The following CAP2 variants were observed in gnomAD, a reference collection of about 807,000 sequenced individuals.
CAP2 encodes the protein adenylyl cyclase-associated protein 2.
A neutral mutation model predicts 57.7 loss-of-function variants in CAP2; 24 were observed. That is an observed-to-expected ratio of 0.42 (90% CI 0.30 to 0.58). CAP2 has a LOEUF of 0.58. CAP2 is among the 20% of genes least tolerant of loss of function. The pLI, the probability that CAP2 is intolerant of heterozygous loss-of-function variation, is 0.22. For missense variants in CAP2, 501 were observed against 590.3 expected, an observed-to-expected ratio of 0.85 and a Z score of 1.57; for synonymous variants, 194 against 207.2, an observed-to-expected ratio of 0.94 and a Z score of 0.55.
At chr6:17,532,788 G>T (rs1049378326) in intron 7 of CAP2, among the ~76,000 whole-genome samples, 12 of 150,798 alleles carry the variant, frequency 8.0e-5, no homozygotes, top group Non-Finnish European at 1.8e-4. Flanking sequence ...TGTTGGCCAG[G>T]CGTGGTGGCT....
chr6:17,543,034 T>C (rs376229266), intron 10 of CAP2, 27 bp from the exon 11 acceptor site: 3 of 1,613,382 alleles, frequency 1.9e-6, no homozygotes, highest in African/African-American at 1.3e-5. Context: ...TGGAGTTGGT[T>C]TTTTGTTGTG....
chr6:17,531,381 G>T, intron 7 of CAP2: 7 of 1,593,852 alleles, frequency 4.4e-6, no homozygotes, highest in Non-Finnish European at 6.0e-6. Flanking sequence ...GCCAATTTGG[G>T]TTCTGCAGGT....
intron 7 of CAP2, among the ~76,000 whole-genome samples, chr6:17,536,756 G>A (rs1762782857): frequency 6.6e-6 from 1 of 152,156 alleles, no homozygotes; most frequent in Non-Finnish European, 1.5e-5. Flanking sequence ...GGAAGGGGCT[G>A]TCCCTTCACC....
Position 17,513,623 on chromosome 6 carries a change from C to G in CAP2, c.531-226C>G, listed in dbSNP as rs1762206150. On this transcript the variant is annotated intron_variant, in intron 6 of 12. Coordinates refer to ENST00000229922, the MANE Select transcript of CAP2 (RefSeq NM_006366.3). This position sits in a 1 kb window ranked among gnomAD's most constrained non-coding sequence, Gnocchi z 4.3. ...CTCTGTGGTACCTCTGCTCCATACCCGGAGCTCAGGGCATCCGGCCACCTG... is the reference window on the plus strand; with the variant it reads ...CTCTGTGGTACCTCTGCTCCATACCGGGAGCTCAGGGCATCCGGCCACCTG... Among the ~76,000 whole-genome samples, 1 of 152,080 alleles carries G rather than the reference C, an allele frequency of 6.6e-6. No homozygotes were observed. The highest frequency in any genetic ancestry group is 2.4e-5 in the African/African-American group (1 of 41,410).
chr6:17,410,399 C>T (rs1561773319), intron 1 of CAP2, among the ~76,000 whole-genome samples: 1 of 152,184 alleles, frequency 6.6e-6, no homozygotes, highest in Non-Finnish European at 1.5e-5. Flanking sequence ...CCCAGTGATT[C>T]TTACGCAGAT....
intron 12 of CAP2, among the ~76,000 whole-genome samples, chr6:17,554,011 G>A (rs1487780213): frequency 1.3e-5 from 2 of 152,200 alleles, no homozygotes; most frequent in South Asian, 2.1e-4. Context: ...TATTCAGATT[G>A]TGGGTTCTTT....
At chr6:17,430,178 T>A (rs182122753) in intron 3 of CAP2, among the ~76,000 whole-genome samples, 48 of 152,304 alleles carry the variant, frequency 3.2e-4, no homozygotes, top group Admixed American at 1.2e-3. Flanking sequence ...CTCAATAGCC[T>A]ATTGACAGAA....
At chr6:17,463,539 G>C (rs1405193672) in intron 4 of CAP2, among the ~76,000 whole-genome samples, 2 of 152,168 alleles carry the variant, frequency 1.3e-5, no homozygotes, top group Non-Finnish European at 2.9e-5. Context: ...TAACCTCCAT[G>C]TATGGATTTT....
At chr6:17,528,057 G>A in intron 7 of CAP2, among the ~76,000 whole-genome samples, 1 of 152,230 alleles carries the variant, frequency 6.6e-6, no homozygotes, top group South Asian at 2.1e-4. Flanking sequence ...ACCCATACAG[G>A]CATTCTGTTT....
chr6:17,513,070 G>A lies in CAP2; in HGVS notation c.531-779G>A, dbSNP rs899056829. ...AAATATATTATAGGTAAAAATTGCC[G>A]AAAGGAAATGCAACTATTTTTACCT... On this transcript the variant is annotated intron_variant, in intron 6 of 12. Coordinates refer to ENST00000229922, the MANE Select transcript of CAP2 (RefSeq NM_006366.3). The surrounding 1 kb of genome is among the most constrained non-coding windows in gnomAD (Gnocchi z 4.3). Among the ~76,000 whole-genome samples, 9 of 152,062 alleles carry A rather than the reference G, an allele frequency of 5.9e-5. No individual in the cohort carries two copies. Among genetic ancestry groups the A allele is most frequent in the Non-Finnish European group, 1.2e-4 (8 of 68,018 alleles).
chr6:17,470,432 A>G (rs1760987946), intron 4 of CAP2, among the ~76,000 whole-genome samples: 2 of 152,230 alleles, frequency 1.3e-5, no homozygotes, highest in African/African-American at 4.8e-5. Flanking sequence ...GCTTTAGCAA[A>G]AAGTCCCCAA....
intron 3 of CAP2, among the ~76,000 whole-genome samples, chr6:17,437,604 C>T (rs757611085): frequency 1.1e-4 from 17 of 152,060 alleles, no homozygotes; most frequent in Non-Finnish European, 1.6e-4. Context: ...ACAGGCTGGG[C>T]GTGGTGGCTC....
chr6:17,462,407 A>C (rs930989707), intron 3 of CAP2, among the ~76,000 whole-genome samples: 1 of 152,082 alleles, frequency 6.6e-6, no homozygotes, highest in East Asian at 1.9e-4. Flanking sequence ...GCTTTATTGA[A>C]ATATAATTCA....
At chr6:17,415,601 C>T (rs1012345605) in intron 1 of CAP2, among the ~76,000 whole-genome samples, 1 of 152,178 alleles carries the variant, frequency 6.6e-6, no homozygotes, top group African/African-American at 2.4e-5. Flanking sequence ...ATTTATAGTT[C>T]TCTAGGTATA....
At chr6:17,429,848 A>G (rs1246553042) in intron 3 of CAP2, among the ~76,000 whole-genome samples, 2 of 152,222 alleles carry the variant, frequency 1.3e-5, no homozygotes, top group Non-Finnish European at 2.9e-5. Flanking sequence ...TAATACTTTG[A>G]ACATGCCGTT....
Position 17,543,166 on chromosome 6 carries a change from T to TGCTGTAATAAGCAGAGCCTTTCCAACCAC in CAP2, c.1209+59_1209+87dup, listed in dbSNP as rs775904037. The TGCTGTAATAAGCAGAGCCTTTCCAACCAC allele has an allele frequency of 1.1e-5, 17 of 1,587,518 alleles. 1 individual carries two copies. In the African/African-American group the frequency reaches 1.5e-4, roughly 14 times the overall value. On this transcript the variant is annotated intron_variant, in intron 11 of 12. Coordinates refer to ENST00000229922, the MANE Select transcript of CAP2 (RefSeq NM_006366.3). Reference sequence around the variant, plus strand: ...CAGGTAAGCAGAGCCTTTCCAACCATGCTGTAATAAGCAGAGCCTTTCCAA... The same window carrying TGCTGTAATAAGCAGAGCCTTTCCAACCAC: ...CAGGTAAGCAGAGCCTTTCCAACCATGCTGTAATAAGCAGAGCCTTTCCAACCACGCTGTAATAAGCAGAGCCTTTCCAA...
At chr6:17,491,952 A>G (rs78651712) in intron 4 of CAP2, among the ~76,000 whole-genome samples, 1,656 of 152,364 alleles carry the variant, frequency 0.011, 20 homozygotes, top group Non-Finnish European at 0.014. Flanking sequence ...GCTTCCTCGC[A>G]TGACCTGCTG....
chr6:17,485,211 G>A (rs1761390414), intron 4 of CAP2, among the ~76,000 whole-genome samples: 1 of 151,918 alleles, frequency 6.6e-6, no homozygotes, highest in South Asian at 2.1e-4. Flanking sequence ...TATTTATGAG[G>A]GACCTTTTAA....
intron 4 of CAP2, among the ~76,000 whole-genome samples, chr6:17,500,199 G>C (rs1007381013): frequency 1.3e-5 from 2 of 150,560 alleles, no homozygotes; most frequent in African/African-American, 4.9e-5. Context: ...AGCTAGCCTA[G>C]GGAAATACCT....
Sources: gnomAD v4.1 joint callset for allele counts (sites outside exome capture counted in the v4.1 genomes callset) on GRCh38, gnomAD v4.1.1 for gene constraint, Gnocchi (gnomAD v3.1) non-coding constraint, MANE v1.5 for transcripts, NCBI Gene and HGNC (gene_info 2026-07-23, HGNC 2026-07-21) for gene names.